ATP2A2: variants seen among roughly 807,000 people sequenced by gnomAD.
The protein encoded by ATP2A2 is ATPase sarcoplasmic/endoplasmic reticulum Ca2+ transporting 2, also known as sarcoplasmic/endoplasmic reticulum calcium ATPase 2.
ATP2A2 carries 14 observed loss-of-function variants against 109.3 expected under a neutral mutation model. That is an observed-to-expected ratio of 0.13 (90% CI 0.08 to 0.20). The LOEUF (loss-of-function observed/expected upper bound fraction) is 0.20, where lower values mean the gene tolerates loss of function less well. Ranked by LOEUF, ATP2A2 falls within the 10% of genes least tolerant of loss-of-function variation. ATP2A2 has a pLI of 1.00. For synonymous variants in ATP2A2, 506 were observed against 490.9 expected (o/e 1.03, Z -0.41); for missense variants, 657 against 1,321.6 (o/e 0.50, Z 7.80).
intron 8 of ATP2A2, chr12:110,330,408 G>T (rs1878226750): frequency 6.6e-6 from 1 of 152,172 alleles, no homozygotes; most frequent in African/African-American, 2.4e-5. Flanking sequence ...AGCTACTTAA[G>T]TTCTTATTTT....
chr12:110,309,995 T>C (rs1436974677), intron 5 of ATP2A2, among the ~76,000 whole-genome samples: 1 of 152,032 alleles, frequency 6.6e-6, no homozygotes, highest in African/African-American at 2.4e-5. Context: ...CAAGAAAATA[T>C]TTCTCCGGAT....
chr12:110,349,422 G>A lies in ATP2A2; in HGVS notation c.*2952G>A. The A allele has an allele frequency of 1.0e-6, 1 of 985,478 alleles. No homozygotes were observed. The highest frequency in any genetic ancestry group is 1.2e-6 in the Non-Finnish European group (1 of 829,988). 61.0% of individuals were successfully genotyped at this position (985,478 alleles called of 1,614,324 possible). ...CTTGTTGCCACCCCGTGCCTCCCTT[G>A]GCCTCTCTGAGCTTTGCCCAGAAGA... is the stretch of plus-strand genomic sequence containing the variant. On this transcript the variant is annotated 3_prime_UTR_variant, in exon 20 of 20. Transcript: ENST00000539276.
At chr12:110,300,187 T>C (rs1361022308) in intron 5 of ATP2A2, among the ~76,000 whole-genome samples, 12 of 123,396 alleles carry the variant, frequency 9.7e-5, no homozygotes, top group African/African-American at 1.4e-4. Flanking sequence ...GCTCTCTCTT[T>C]TTTTTTTTTT....
chr12:110,301,205 C>G (rs1333195199), intron 5 of ATP2A2, among the ~76,000 whole-genome samples: 2 of 152,092 alleles, frequency 1.3e-5, no homozygotes, highest in African/African-American at 2.4e-5. Flanking sequence ...CTACTTGAAG[C>G]CTTAGAGAAA....
intron 11 of ATP2A2, 106 bp downstream of exon 11, chr12:110,334,249 C>A (rs1878619026): frequency 1.5e-6 from 2 of 1,350,428 alleles, no homozygotes; most frequent in Non-Finnish European, 2.1e-6. Flanking sequence ...TATACCTTAT[C>A]TCCTCAAACT....
chr12:110,283,648 CAG>C (rs1872378020), intron 3 of ATP2A2, among the ~76,000 whole-genome samples: 1 of 152,114 alleles, frequency 6.6e-6, no homozygotes, highest in African/African-American at 2.4e-5. Context: ...GAATAGGACA[CAG>C]ATGTTCCTAA....
chr12:110,318,098 C>T (rs568135252), intron 5 of ATP2A2, among the ~76,000 whole-genome samples: 6 of 152,292 alleles, frequency 3.9e-5, no homozygotes, highest in African/African-American at 1.4e-4. Flanking sequence ...GGAAATGTTA[C>T]AGGATGTGAT....
In ATP2A2 at chr12:110,327,191, T is replaced by C. The variant is rs1877893304; in HGVS notation, c.631-362T>C. ...CCATGGGGCTAGTTGCCGTTTCTAT[T>C]ACAGTGAGAAAAGTAGGGGCCTTGA... On this transcript the variant is annotated intron_variant, in intron 7 of 19. Transcript: ENST00000539276. This position sits in a 1 kb window ranked among gnomAD's most constrained non-coding sequence, Gnocchi z 4.4. Among the ~76,000 whole-genome samples, 1 of 152,214 alleles carries C rather than the reference T, an allele frequency of 6.6e-6. No homozygotes were observed. The highest frequency in any genetic ancestry group is 6.5e-5 in the Admixed American group (1 of 15,270).
At chr12:110,345,716 A>G in intron 18 of ATP2A2, 1 of 574,420 alleles carries the variant, frequency 1.7e-6, no homozygotes, top group Admixed American at 3.0e-5. Flanking sequence ...AGCCCGTGAC[A>G]AAAATGGAAA....
At chr12:110,283,500 T>G (rs923385118) in intron 3 of ATP2A2, among the ~76,000 whole-genome samples, 3 of 152,224 alleles carry the variant, frequency 2.0e-5, no homozygotes, top group African/African-American at 7.2e-5. Context: ...TGCAAAGAAC[T>G]ACAGCAGAAA....
intron 1 of ATP2A2, 128 bp from the exon 2 acceptor site, chr12:110,282,476 T>C: frequency 7.7e-7 from 1 of 1,295,374 alleles, no homozygotes; most frequent in Non-Finnish European, 1.1e-6. Flanking sequence ...TAGGTCTGTG[T>C]TTTAAAGATA....
chr12:110,302,125 A>T (rs941885724), intron 5 of ATP2A2, among the ~76,000 whole-genome samples: 6 of 152,188 alleles, frequency 3.9e-5, no homozygotes, highest in Non-Finnish European at 8.8e-5. Flanking sequence ...ATATTGTGGT[A>T]AAGTATACAT....
intron 5 of ATP2A2, among the ~76,000 whole-genome samples, chr12:110,320,378 G>A (rs538767999): frequency 4.6e-5 from 7 of 152,274 alleles, no homozygotes; most frequent in Admixed American, 2.6e-4. Flanking sequence ...CTACTCCATA[G>A]GATCATGACA....
rs921485474 is a variant in ATP2A2, at chr12:110,334,352, T to A, written c.1419+209T>A. On this transcript the variant is annotated intron_variant, in intron 11 of 19. Transcript: ENST00000539276. ...TAAAAGCAATCAATAGCTAATTTCC[T>A]TGAGCGACCCTCTGGGCCCACAGGG... The A allele has an allele frequency of 1.5e-5, 10 of 656,664 alleles. No homozygotes were observed. In the Admixed American group the frequency reaches 2.4e-4, roughly 16 times the overall value. The allele number at this position is 656,664 out of a possible 1,614,324, so 40.7% of individuals were successfully genotyped here.
At chr12:110,282,946 TTACAA>T in intron 3 of ATP2A2, 151 bp downstream of exon 3, 1 of 758,986 alleles carries the variant, frequency 1.3e-6, no homozygotes, top group East Asian at 2.7e-5. Context: ...CATTTTAAAA[TTACAA>T]AACAAAACAC....
In ATP2A2 at chr12:110,349,771, A is replaced by G. The variant is rs1880229078; in HGVS notation, c.*3301A>G. On this transcript the variant is annotated 3_prime_UTR_variant, in exon 20 of 20. Coordinates refer to ENST00000539276, the MANE Select transcript of ATP2A2 (RefSeq NM_170665.4). ...GTGACTGTAACCACCAAATTGTCCA[A>G]ACACCCGCTGCAGTTAGCAAGAAGG... 2.4e-5 allele frequency: 24 copies of G among 1,017,774 alleles called. No homozygotes were observed. The highest frequency in any genetic ancestry group is 2.7e-5 in the Non-Finnish European group (23 of 848,382). 63.0% of individuals were successfully genotyped at this position (1,017,774 alleles called of 1,614,324 possible).
Position 110,340,773 on chromosome 12 carries a change from GACA to G in ATP2A2, c.1881_1883del (p.Asn627del). On this transcript the variant is annotated inframe_deletion, in exon 14 of 20. Coordinates refer to ENST00000539276, the MANE Select transcript of ATP2A2 (RefSeq NM_170665.4). The surrounding 1 kb of genome is among the most constrained non-coding windows in gnomAD (Gnocchi z 6.0). ...CATCCGGGTCATCATGATCACTGGG[GACA>G]ACAAGGGCACTGCTGTGGCCATCTG... 1 of 1,614,148 alleles carries G rather than the reference GACA, an allele frequency of 6.2e-7. No homozygotes were observed. Among genetic ancestry groups the G allele is most frequent in the Non-Finnish European group, 8.5e-7 (1 of 1,180,024 alleles).
chr12:110,295,098 T>G (rs1356752201), intron 4 of ATP2A2, among the ~76,000 whole-genome samples: 1 of 151,836 alleles, frequency 6.6e-6, no homozygotes, highest in Non-Finnish European at 1.5e-5. Flanking sequence ...GGATTACAGG[T>G]GTGAGCCACC....
At chr12:110,345,165 T>G (rs1592867348) in intron 17 of ATP2A2, 84 bp from the exon 18 acceptor site, 1 of 1,603,270 alleles carries the variant, frequency 6.2e-7, no homozygotes, top group Non-Finnish European at 8.5e-7. Flanking sequence ...TTCAGGCTGG[T>G]CTGTGCTAGG....
Sources: allele counts gnomAD v4.1 joint callset (sites outside exome capture counted in the v4.1 genomes callset), GRCh38; gene constraint gnomAD v4.1.1; non-coding constraint Gnocchi (gnomAD v3.1); transcripts MANE v1.5; gene names NCBI Gene and HGNC (gene_info 2026-07-23, HGNC 2026-07-21).